COLEC10: variants seen among roughly 807,000 people sequenced by gnomAD.
COLEC10 encodes the protein collectin subfamily member 10.
A neutral mutation model predicts 28.4 loss-of-function variants in COLEC10; 22 were observed. That is an observed-to-expected ratio of 0.78 (90% CI 0.55 to 1.11). The LOEUF (loss-of-function observed/expected upper bound fraction) is 1.11, where lower values mean the gene tolerates loss of function less well. Ranked by LOEUF, COLEC10 falls within the 50% of genes least tolerant of loss-of-function variation. The pLI is 0.00. For synonymous variants in COLEC10, 125 were observed against 116.1 expected, an observed-to-expected ratio of 1.08 and a Z score of -0.49; for missense variants, 361 against 344.1, an observed-to-expected ratio of 1.05 and a Z score of -0.39.
intron 1 of COLEC10, among the ~76,000 whole-genome samples, chr8:119,006,974 A>G (rs1445178133): frequency 2.6e-5 from 4 of 152,118 alleles, no homozygotes; most frequent in Non-Finnish European, 5.9e-5. Context: ...CAGTGGTGAT[A>G]TAAACAATGT....
the COLEC10 span, chr8:118,982,602 C>T: frequency 5.1e-6 from 1 of 196,250 alleles, no homozygotes. Context: ...AAAAGCTGTC[C>T]CATAGTTAGG....
At chr8:119,058,250 G>GT (rs917367804) in intron 2 of COLEC10, among the ~76,000 whole-genome samples, 21 of 151,738 alleles carry the variant, frequency 1.4e-4, no homozygotes, top group Admixed American at 2.0e-4. Context: ...AGGTTTGAGG[G>GT]TTTTTTTTAC....
chr8:118,962,983 G>A, the COLEC10 span, among the ~76,000 whole-genome samples: 1 of 152,096 alleles, frequency 6.6e-6, no homozygotes, highest in Non-Finnish European at 1.5e-5. Flanking sequence ...CACGTTCAAG[G>A]GATTAATAAT....
chr8:119,081,797 A>G (rs978745115), intron 1 of COLEC10, among the ~76,000 whole-genome samples: 3 of 152,260 alleles, frequency 2.0e-5, no homozygotes, highest in African/African-American at 7.2e-5. Context: ...GAAGTGGCCT[A>G]TAAACACAGA....
chr8:118,977,521 A>G, the COLEC10 span, among the ~76,000 whole-genome samples: 1 of 143,634 alleles, frequency 7.0e-6, no homozygotes, highest in African/African-American at 2.6e-5. Flanking sequence ...AACACCGCAT[A>G]TTCTCACTCA....
chr8:119,001,006 G>T (rs973481253), intron 1 of COLEC10, among the ~76,000 whole-genome samples: 1 of 152,136 alleles, frequency 6.6e-6, no homozygotes, highest in African/African-American at 2.4e-5. Flanking sequence ...AGGAGTTATG[G>T]TCTGGACATT....
chr8:119,071,115 A>T (rs1563734443), intron 1 of COLEC10, among the ~76,000 whole-genome samples: 2 of 152,312 alleles, frequency 1.3e-5, no homozygotes, highest in Non-Finnish European at 1.5e-5. Flanking sequence ...GGTGATTAAA[A>T]AAATGTACAG....
chr8:118,979,345 A>G, the COLEC10 span, among the ~76,000 whole-genome samples: 5 of 151,940 alleles, frequency 3.3e-5, no homozygotes, highest in Non-Finnish European at 5.9e-5. Flanking sequence ...TTATTATTTT[A>G]ACTTTATTAC....
At chr8:119,004,814 C>T (rs191817948) in intron 1 of COLEC10, among the ~76,000 whole-genome samples, 1 of 151,968 alleles carries the variant, frequency 6.6e-6, no homozygotes, top group East Asian at 2.0e-4. Context: ...CAAACTCAAA[C>T]CCAGGCCATT....
chr8:119,044,164 C>A (rs6469806), intron 2 of COLEC10, among the ~76,000 whole-genome samples: 2,304 of 152,262 alleles, frequency 0.015, 55 homozygotes, highest in African/African-American at 0.053. Context: ...TCCTCATTTA[C>A]TTTCAAAAAT....
chr8:119,068,761 C>T (rs1294271892), intron 1 of COLEC10: 1 of 151,926 alleles, frequency 6.6e-6, no homozygotes, highest in African/African-American at 2.4e-5. Context: ...TAATTACAAG[C>T]CAGAGTGTGA....
chr8:118,966,809 C>T, the COLEC10 span, among the ~76,000 whole-genome samples: 1 of 151,982 alleles, frequency 6.6e-6, no homozygotes, highest in East Asian at 1.9e-4. Flanking sequence ...CCAAGGCATA[C>T]CATAACACAG....
At chr8:119,095,466 G>A (rs977360731) in intron 3 of COLEC10, among the ~76,000 whole-genome samples, 8 of 152,140 alleles carry the variant, frequency 5.3e-5, no homozygotes, top group Non-Finnish European at 1.2e-4. Context: ...ACTTCGGGGG[G>A]CCGAGGTGGA....
At chr8:118,998,589 AGCTCGTTTGGAG>A (rs1387797448) in intron 1 of COLEC10, among the ~76,000 whole-genome samples, 1 of 151,942 alleles carries the variant, frequency 6.6e-6, no homozygotes, top group African/African-American at 2.4e-5. Context: ...CTGTAATCCC[AGCTCGTTTGGAG>A]GCCGAGGCAG....
the COLEC10 span, among the ~76,000 whole-genome samples, chr8:118,984,851 G>C: frequency 1.8e-3 from 276 of 152,236 alleles, 2 homozygotes; most frequent in African/African-American, 6.3e-3. Flanking sequence ...TAATCATGGC[G>C]GAAGGCAAGG....
chr8:118,959,822 T>G, the COLEC10 span, among the ~76,000 whole-genome samples: 1 of 152,228 alleles, frequency 6.6e-6, no homozygotes, highest in Non-Finnish European at 1.5e-5. Flanking sequence ...AATTGGCTAT[T>G]CATGTGTCTT....
rs150318271 is a variant in COLEC10 at position 119,046,635 on chromosome 8, G to A, written n.235+37082G>A. Reference sequence around the variant, plus strand: ...TAAAGAAACTATAGAAAGTTCAAGTGTTTCACTCCACACATTTAATCTCTG... The same window carrying A: ...TAAAGAAACTATAGAAAGTTCAAGTATTTCACTCCACACATTTAATCTCTG... On this transcript the variant is annotated intron_variant and non_coding_transcript_variant, in intron 2 of 6. Transcript: ENST00000521788. Among the ~76,000 whole-genome samples the A allele has an allele frequency of 7.8e-3, 1,190 of 152,162 alleles. 12 individuals carry two copies. The highest frequency in any genetic ancestry group is 0.026 in the African/African-American group (1,068 of 41,506).
intron 2 of COLEC10, among the ~76,000 whole-genome samples, chr8:119,030,925 G>C (rs16891885): frequency 0.012 from 1,883 of 152,146 alleles, 37 homozygotes; most frequent in African/African-American, 0.043. Flanking sequence ...TCTGATGGAG[G>C]GATAGACATT....
the COLEC10 span, among the ~76,000 whole-genome samples, chr8:118,989,577 A>ACACACC: frequency 1.5e-5 from 2 of 137,362 alleles, no homozygotes; most frequent in Non-Finnish European, 3.2e-5. Context: ...ACACACACAC[A>ACACACC]CCCCTACCTA....
Sources: gnomAD v4.1 joint callset for allele counts (sites outside exome capture counted in the v4.1 genomes callset) on GRCh38, gnomAD v4.1.1 for gene constraint, MANE v1.5 for transcripts, NCBI Gene and HGNC (gene_info 2026-07-23, HGNC 2026-07-21) for gene names.